The following EPB41L5 variants were observed in gnomAD, a reference collection of about 807,000 sequenced individuals.
EPB41L5 encodes erythrocyte membrane protein band 4.1 like 5, also known as band 4.1-like protein 5.
Under a neutral mutation model 106.6 loss-of-function variants are expected in EPB41L5, and 55 were observed. The observed-to-expected ratio is 0.52, with a 90% confidence interval of 0.42 to 0.65. The LOEUF (loss-of-function observed/expected upper bound fraction) is 0.65. Among genes scored for constraint, EPB41L5 ranks in the 30% least tolerant of loss-of-function variants. The probability of loss-of-function intolerance (pLI) is 0.00; values close to 1 mark genes in which losing one functional copy is unlikely to be tolerated. For synonymous variants in EPB41L5, 297 were observed against 306.7 expected (o/e 0.97, Z 0.33); for missense variants, 871 against 882.1 (o/e 0.99, Z 0.16).
chr2:120,074,491 T>G lies in EPB41L5; in HGVS notation c.407+313T>G, dbSNP rs184820241. 4.0e-5 allele frequency: 8 copies of G among 199,684 alleles called. No individual in the cohort carries two copies. In the Admixed American group the frequency reaches 4.1e-4, roughly 10 times the overall value. 12.4% of individuals were successfully genotyped at this position (199,684 alleles called of 1,614,324 possible). A position where few individuals can be genotyped will look rare whatever the true frequency, so the allele number is the denominator to read the frequency against. On this transcript the variant is annotated intron_variant, in intron 5 of 24. Coordinates refer to ENST00000263713, the MANE Select transcript of EPB41L5 (RefSeq NM_020909.4). ...GTTTCAATACATTGCAATATTATAT[T>G]TATTGATGTTGAAAATAATCTATCT...
chr2:120,061,502 C>T (rs1681073882), intron 3 of EPB41L5, among the ~76,000 whole-genome samples: 3 of 151,930 alleles, frequency 2.0e-5, no homozygotes, highest in South Asian at 4.2e-4. Context: ...GGATTACAGG[C>T]GTGAGCCACC....
chr2:120,051,821 C>T (rs1680307449), intron 3 of EPB41L5, among the ~76,000 whole-genome samples: 1 of 107,378 alleles, frequency 9.3e-6, no homozygotes, highest in African/African-American at 2.9e-5. Context: ...CTTGGAACCT[C>T]CTGCATTGTT....
intron 24 of EPB41L5, among the ~76,000 whole-genome samples, chr2:120,173,959 G>A (rs1165378799): frequency 6.6e-6 from 1 of 152,152 alleles, no homozygotes; most frequent in Non-Finnish European, 1.5e-5. Context: ...GATTGCAGGC[G>A]TGCGCCACCT....
chr2:120,034,262 C>T (rs942204687), intron 2 of EPB41L5, among the ~76,000 whole-genome samples: 21 of 152,318 alleles, frequency 1.4e-4, no homozygotes, highest in African/African-American at 5.1e-4. Context: ...TTCTTTCTCA[C>T]CTTAGAACAC....
chr2:120,034,248 C>G (rs1412009865), intron 2 of EPB41L5, among the ~76,000 whole-genome samples: 1 of 152,198 alleles, frequency 6.6e-6, no homozygotes, highest in Non-Finnish European at 1.5e-5. Context: ...CTGGCAGAAG[C>G]CCATTCTTTC....
chr2:120,112,847 T>C (rs1258496888), intron 16 of EPB41L5, among the ~76,000 whole-genome samples: 1 of 152,172 alleles, frequency 6.6e-6, no homozygotes, highest in African/African-American at 2.4e-5. Context: ...TTAATCCTTA[T>C]GAGGATCTAT....
chr2:120,178,882 T>G lies in EPB41L5; in HGVS notation c.*3975T>G, dbSNP rs1574814935. The stretch of plus-strand genomic sequence containing the variant: ...TTCCTTTGCCCCTTTTATCTCCTTA[T>G]CTGGATATGATAAGTGGTTATGAGG... On this transcript the variant is annotated 3_prime_UTR_variant, in exon 25 of 25. Coordinates refer to ENST00000263713, the MANE Select transcript of EPB41L5 (RefSeq NM_020909.4). The G allele has an allele frequency of 6.6e-6, 1 of 152,266 alleles. No homozygotes were observed. The highest frequency in any genetic ancestry group is 2.4e-5 in the African/African-American group (1 of 41,472). The allele number at this position is 152,266 out of a possible 1,614,324, so 9.4% of individuals were successfully genotyped here.
chr2:120,104,077 A>C, intron 16 of EPB41L5: 1 of 1,534,342 alleles, frequency 6.5e-7, no homozygotes, highest in South Asian at 1.2e-5. Context: ...GCTGCCAGCG[A>C]CTGCTGTCAA....
chr2:120,172,432 G>A (rs1216712294), intron 24 of EPB41L5, among the ~76,000 whole-genome samples: 3 of 152,224 alleles, frequency 2.0e-5, no homozygotes, highest in Non-Finnish European at 4.4e-5. Context: ...TTGGTAATCA[G>A]AATGGCAGCA....
At chr2:120,166,582 C>T (rs1034693945) in intron 22 of EPB41L5, among the ~76,000 whole-genome samples, 9 of 151,976 alleles carry the variant, frequency 5.9e-5, no homozygotes, top group Non-Finnish European at 1.0e-4. Context: ...GGAGTACAGG[C>T]GCATGCCACC....
chr2:120,146,199 CTTT>C, intron 19 of EPB41L5, 23 bp from the exon 20 acceptor site: 1 of 1,415,520 alleles, frequency 7.1e-7, no homozygotes, highest in Non-Finnish European at 9.9e-7. Flanking sequence ...TAAAGATTTA[CTTT>C]TTTTAATATT....
At chr2:120,157,936 A>G (rs923917643) in intron 20 of EPB41L5, among the ~76,000 whole-genome samples, 1 of 152,164 alleles carries the variant, frequency 6.6e-6, no homozygotes, top group Non-Finnish European at 1.5e-5. Flanking sequence ...GACCCCATAG[A>G]AATACACATA....
intron 21 of EPB41L5, among the ~76,000 whole-genome samples, chr2:120,161,484 A>T (rs188455118): frequency 6.6e-6 from 1 of 151,924 alleles, no homozygotes; most frequent in Non-Finnish European, 1.5e-5. Flanking sequence ...TCCAGTTTGT[A>T]TGTACTTTGT....
chr2:120,078,249 C>T (rs1216840378), intron 9 of EPB41L5, among the ~76,000 whole-genome samples: 6 of 152,068 alleles, frequency 3.9e-5, no homozygotes, highest in Admixed American at 3.9e-4. Flanking sequence ...AGTGTAACTA[C>T]CCACTTTCAA....
intron 3 of EPB41L5, among the ~76,000 whole-genome samples, chr2:120,046,542 G>T (rs1456141520): frequency 2.0e-5 from 3 of 147,206 alleles, no homozygotes; most frequent in African/African-American, 7.5e-5. Flanking sequence ...TGAGTTCTTT[G>T]TAGATTCTGG....
intron 16 of EPB41L5, among the ~76,000 whole-genome samples, chr2:120,121,162 A>G (rs1254664228): frequency 1.3e-5 from 2 of 152,174 alleles, no homozygotes; most frequent in African/African-American, 2.4e-5. Flanking sequence ...AAGGGACTCT[A>G]CTATGGTCTG....
intron 11 of EPB41L5, among the ~76,000 whole-genome samples, chr2:120,089,443 G>A (rs1574640168): frequency 6.6e-6 from 1 of 151,994 alleles, no homozygotes; most frequent in South Asian, 2.1e-4. Flanking sequence ...TTAAAAACTT[G>A]CATAATTATA....
intron 3 of EPB41L5, among the ~76,000 whole-genome samples, chr2:120,066,268 A>T (rs1395792882): frequency 2.6e-5 from 4 of 152,200 alleles, no homozygotes; most frequent in Non-Finnish European, 4.4e-5. Flanking sequence ...GAAGAAAAAA[A>T]ATCACTCGCA....
chr2:120,087,082 G>A (rs1574634303), intron 10 of EPB41L5, 89 bp from the exon 11 acceptor site: 1 of 770,960 alleles, frequency 1.3e-6, no homozygotes, highest in South Asian at 1.8e-5. Context: ...GAGTTAGATG[G>A]TTAAATGTAT....
Sources: allele counts gnomAD v4.1 joint callset (sites outside exome capture counted in the v4.1 genomes callset), GRCh38; gene constraint gnomAD v4.1.1; transcripts MANE v1.5; gene names NCBI Gene and HGNC (gene_info 2026-07-23, HGNC 2026-07-21).